Variants in ULK4 observed in about 807,000 individuals in gnomAD.
ULK4 encodes unc-51 like kinase 4, also known as inactive serine/threonine-protein kinase ULK4.
A neutral mutation model predicts 160.6 loss-of-function variants in ULK4; 133 were observed. The observed-to-expected ratio is 0.83, with a 90% CI of 0.72 to 0.96. The LOEUF is 0.96. Among genes scored for constraint, ULK4 ranks in the 40% least tolerant of loss-of-function variants. The probability of loss-of-function intolerance (pLI) is 0.00; values close to 1 mark genes in which losing one functional copy is unlikely to be tolerated. For synonymous variants in ULK4, 534 were observed against 539.8 expected (o/e 0.99, Z 0.15); for missense variants, 1,580 against 1,499.5 (o/e 1.05, Z -0.89).
chr3:41,683,071 A>G (rs1348547302), intron 27 of ULK4, among the ~76,000 whole-genome samples: 1 of 152,194 alleles, frequency 6.6e-6, no homozygotes, highest in African/African-American at 2.4e-5. Context: ...TCCCTGCTAC[A>G]GCATTCTTTC....
chr3:41,879,092 G>A (rs1338405685), intron 17 of ULK4, among the ~76,000 whole-genome samples: 1 of 152,096 alleles, frequency 6.6e-6, no homozygotes, highest in Admixed American at 6.5e-5. Context: ...AAAAATAAGA[G>A]ACCAGGAATT....
rs1185828237 is a variant in ULK4 at position 41,377,527 on chromosome 3, GA to G, written c.3678+20551del. ...ACAATGAACTCAAACAAATTTACAA[GA>G]AAAAAACAAACAACCCCATCAAAAA... On this transcript the variant is annotated intron_variant, in intron 35 of 36. Transcript: ENST00000301831. Among the ~76,000 whole-genome samples the G allele has an allele frequency of 4.8e-5, 7 of 147,352 alleles. 1 individual carries two copies. The highest frequency in any genetic ancestry group is 1.6e-4 in the African/African-American group (6 of 38,586).
chr3:41,651,806 T>C (rs989231698), intron 30 of ULK4, among the ~76,000 whole-genome samples: 5 of 152,200 alleles, frequency 3.3e-5, no homozygotes, highest in African/African-American at 7.2e-5. Context: ...TTAGTGTTGA[T>C]TGTAGCCCCC....
intron 2 of ULK4, among the ~76,000 whole-genome samples, chr3:41,948,933 G>GA (rs1051129405): frequency 5.3e-5 from 8 of 149,866 alleles, no homozygotes; most frequent in African/African-American, 1.5e-4. Context: ...AATTACACAA[G>GA]AAAAAAAAAG....
Position 41,267,045 on chromosome 3 carries a change from T to A in ULK4, c.3679-17471A>T, listed in dbSNP as rs539899756. Among the ~76,000 whole-genome samples, 677 of 150,976 alleles carry A rather than the reference T, an allele frequency of 4.5e-3. 7 individuals carry two copies. Among genetic ancestry groups the A allele is most frequent in the African/African-American group, 0.016 (650 of 40,934 alleles). On this transcript the variant is annotated intron_variant, in intron 35 of 36. Coordinates refer to ENST00000301831, the MANE Select transcript of ULK4 (RefSeq NM_017886.4). ...GGGGGGGGGGGTTTAAGGCTTTTTT[T>A]TTTTTTGCTTTTAAGTTCCAGGATA...
intron 17 of ULK4, among the ~76,000 whole-genome samples, chr3:41,843,749 G>A (rs1357119926): frequency 5.3e-5 from 8 of 152,096 alleles, no homozygotes; most frequent in African/African-American, 9.7e-5. Flanking sequence ...AAGGGGACCC[G>A]AGTGGGTTGC....
intron 32 of ULK4, among the ~76,000 whole-genome samples, chr3:41,478,360 A>C (rs1413919408): frequency 7.3e-6 from 1 of 137,142 alleles, no homozygotes; most frequent in African/African-American, 2.9e-5. Flanking sequence ...AAAAATCTGG[A>C]AAGTCTCTGT....
chr3:41,323,036 C>G (rs574118379), intron 35 of ULK4, among the ~76,000 whole-genome samples: 5 of 151,954 alleles, frequency 3.3e-5, no homozygotes, highest in African/African-American at 7.3e-5. Flanking sequence ...CTCCCAGGTT[C>G]AAGCAATTCT....
At chr3:41,545,275 G>A (rs1306487517) in intron 32 of ULK4, among the ~76,000 whole-genome samples, 1 of 152,014 alleles carries the variant, frequency 6.6e-6, no homozygotes, top group Non-Finnish European at 1.5e-5. Context: ...GTTTTCATCT[G>A]GTATCTCTTC....
chr3:41,750,362 CAGA>C (rs2125892480), intron 22 of ULK4, among the ~76,000 whole-genome samples: 1 of 152,248 alleles, frequency 6.6e-6, no homozygotes, highest in Admixed American at 6.5e-5. Context: ...CACATTCAAC[CAGA>C]AGATTACTGC....
intron 34 of ULK4, among the ~76,000 whole-genome samples, chr3:41,441,442 T>C (rs1266157778): frequency 6.6e-6 from 1 of 152,092 alleles, no homozygotes; most frequent in Non-Finnish European, 1.5e-5. Context: ...TTGGGGATCT[T>C]CCAAGTATCT....
intron 15 of ULK4, 132 bp from the exon 16 acceptor site, chr3:41,895,696 G>T: frequency 4.9e-6 from 2 of 407,312 alleles, no homozygotes. Flanking sequence ...ACCAAAAATG[G>T]TATTTACTAA....
At chr3:41,610,456 T>G (rs1033219946) in intron 31 of ULK4, among the ~76,000 whole-genome samples, 19 of 152,206 alleles carry the variant, frequency 1.2e-4, no homozygotes, top group Admixed American at 2.6e-4. Context: ...TAAGAACCAA[T>G]ACATATTTGT....
intron 22 of ULK4, among the ~76,000 whole-genome samples, chr3:41,730,667 C>G (rs111655382): frequency 0.011 from 1,719 of 152,262 alleles, 29 homozygotes; most frequent in African/African-American, 0.039. Context: ...GATGGCTTCA[C>G]TGCTGAATAC....
intron 31 of ULK4, among the ~76,000 whole-genome samples, chr3:41,611,043 A>G (rs1245109311): frequency 6.6e-6 from 1 of 152,238 alleles, no homozygotes; most frequent in Non-Finnish European, 1.5e-5. Context: ...GAGAGAAAAA[A>G]TAAGTCCTCC....
At chr3:41,545,650 A>G (rs1691958) in intron 32 of ULK4, among the ~76,000 whole-genome samples, 68,347 of 151,948 alleles carry the variant, frequency 0.45, 16,067 homozygotes, top group Middle Eastern at 0.54. Flanking sequence ...ACCTTTCTAA[A>G]TATGTAGATA....
chr3:41,521,082 G>T (rs561104777), intron 32 of ULK4, among the ~76,000 whole-genome samples: 2 of 152,180 alleles, frequency 1.3e-5, no homozygotes, highest in Admixed American at 6.5e-5. Flanking sequence ...TAGGGAACAA[G>T]GGAGCCATGA....
intron 12 of ULK4, among the ~76,000 whole-genome samples, chr3:41,901,227 T>A (rs1698347233): frequency 6.9e-6 from 1 of 143,906 alleles, no homozygotes; most frequent in Non-Finnish European, 1.5e-5. Flanking sequence ...TCCCCCAGGC[T>A]GGAGTACAGT....
intron 34 of ULK4, among the ~76,000 whole-genome samples, chr3:41,425,483 A>G (rs1198244524): frequency 6.6e-6 from 1 of 152,176 alleles, no homozygotes; most frequent in African/African-American, 2.4e-5. Context: ...CAACCCCAAG[A>G]CATATAATCA....
Sources: gnomAD v4.1 joint callset for allele counts (sites outside exome capture counted in the v4.1 genomes callset) on GRCh38, gnomAD v4.1.1 for gene constraint, MANE v1.5 for transcripts, NCBI Gene and HGNC (gene_info 2026-07-23, HGNC 2026-07-21) for gene names.